KDM6A: variants seen among roughly 807,000 people sequenced by gnomAD.
KDM6A encodes lysine demethylase 6A.
Under a neutral mutation model 117.6 loss-of-function variants are expected in KDM6A, and 11 were observed. That is an observed-to-expected ratio of 0.09 (90% CI 0.06 to 0.15). The LOEUF (loss-of-function observed/expected upper bound fraction) is 0.15. Among genes scored for constraint, KDM6A ranks in the 10% least tolerant of loss-of-function variants. The pLI is 1.00. For missense variants in KDM6A, 799 were observed against 1,077.3 expected, an observed-to-expected ratio of 0.74 and a Z score of 3.62; for synonymous variants, 384 against 396.1, an observed-to-expected ratio of 0.97 and a Z score of 0.36.
chrX:45,059,199 A>T, intron 11 of KDM6A, 48 bp from the exon 12 acceptor site: 1 of 1,186,447 alleles, frequency 8.4e-7, no homozygotes. Context: ...TTATAAAACC[A>T]AGCAGTTCTT....
Position 44,873,363 on chromosome X carries a change from AGCCCCTGCCGCC to A in KDM6A, c.-185_-174del. On this transcript the variant is annotated 5_prime_UTR_variant, in exon 1 of 30. Coordinates refer to ENST00000611820, the MANE Select transcript of KDM6A (RefSeq NM_001291415.2). ...GCCGCTGCCGACCCGGGGGCTCCGC[AGCCCCTGCCGCC>A]GCCGCCGCCGCCTTCACCGCCGCCG... The A allele has an allele frequency of 1.9e-6, 1 of 538,496 alleles. No individual in the cohort carries two copies. The highest frequency in any genetic ancestry group is 3.3e-5 in the South Asian group (1 of 30,670). 44.4% of individuals were successfully genotyped at this position (538,496 alleles called of 1,213,427 possible).
At position 45,051,967 on chromosome X, in the gene KDM6A, C is replaced by A. The variant is rs1304392248; in HGVS notation, c.748+165C>A. 5.2e-4 allele frequency among the ~76,000 whole-genome samples: 58 copies of A among 111,478 alleles called. 1 individual carries two copies. On this transcript the variant is annotated intron_variant, in intron 9 of 29. Coordinates refer to ENST00000611820, the MANE Select transcript of KDM6A (RefSeq NM_001291415.2). ...TATCCTCTGCCCAGCATTGTCCTTC[C>A]CACAGTCTGTCTCAGTGTAATTCTT...
chrX:45,068,660 G>T (rs1370034818), intron 17 of KDM6A, among the ~76,000 whole-genome samples: 3 of 107,883 alleles, frequency 2.8e-5, no homozygotes, highest in Non-Finnish European at 5.8e-5. Context: ...CAAACTCCTG[G>T]GCTCAAGAGA....
intron 3 of KDM6A, among the ~76,000 whole-genome samples, chrX:44,962,152 G>T (rs182782698): frequency 1.4e-4 from 16 of 112,097 alleles, no homozygotes; most frequent in Non-Finnish European, 2.8e-4. Context: ...TGTTTAGAGG[G>T]CAAAACACCT....
chrX:45,087,198 C>A (rs1054908556), intron 25 of KDM6A, among the ~76,000 whole-genome samples: 3 of 112,180 alleles, frequency 2.7e-5, no homozygotes, highest in Non-Finnish European at 5.6e-5. Context: ...ACCATGTTGG[C>A]CAGGCTGGTC....
chrX:44,957,701 A>G (rs994237145), intron 2 of KDM6A, among the ~76,000 whole-genome samples: 1 of 111,534 alleles, frequency 9.0e-6, no homozygotes, highest in Non-Finnish European at 1.9e-5. Flanking sequence ...TGGATGTGCA[A>G]TCCACCAGCT....
chrX:45,096,173 A>G (rs955631109), intron 27 of KDM6A, among the ~76,000 whole-genome samples: 1 of 111,804 alleles, frequency 8.9e-6, no homozygotes, highest in Non-Finnish European at 1.9e-5. Flanking sequence ...TTCTTCCTTA[A>G]TTCTCCCCTG....
At chrX:45,053,156 C>T (rs146205857) in intron 9 of KDM6A, among the ~76,000 whole-genome samples, 243 of 111,500 alleles carry the variant, frequency 2.2e-3, no homozygotes, top group Non-Finnish European at 3.9e-3. Flanking sequence ...TTAATTGGCT[C>T]GGTGTGGTGG....
At chrX:45,070,431 G>A (rs1178300397) in intron 18 of KDM6A, 74 bp downstream of exon 18, 21 of 966,697 alleles carry the variant, frequency 2.2e-5, no homozygotes, top group Non-Finnish European at 2.9e-5. Flanking sequence ...AATTTGGACC[G>A]TTTAAGATAT....
chrX:44,927,738 A>C (rs1421189014), intron 2 of KDM6A, among the ~76,000 whole-genome samples: 1 of 111,743 alleles, frequency 8.9e-6, no homozygotes, highest in Non-Finnish European at 1.9e-5. Context: ...ATAACCTCTT[A>C]TTTATCATTA....
chrX:44,997,751 T>A (rs990766835), intron 4 of KDM6A, among the ~76,000 whole-genome samples: 6 of 112,143 alleles, frequency 5.4e-5, no homozygotes, highest in African/African-American at 1.3e-4. Context: ...CTCTGGGTTT[T>A]TGGGAATATG....
In KDM6A at chrX:45,079,132, A is replaced by T. The variant is rs2045273296; in HGVS notation, c.3095-14A>T. On this transcript the variant is annotated splice_polypyrimidine_tract_variant and intron_variant, in intron 20 of 29. Coordinates refer to ENST00000611820, the MANE Select transcript of KDM6A (RefSeq NM_001291415.2). Reference sequence around the variant, plus strand: ...TAATTTTCATTTTTTAACTACATTTATGTATTCATGAAGACCTGGGACTTT... The same window carrying T: ...TAATTTTCATTTTTTAACTACATTTTTGTATTCATGAAGACCTGGGACTTT... 3 of 1,146,434 alleles carry T rather than the reference A, an allele frequency of 2.6e-6. No individual in the cohort carries two copies. The highest frequency in any genetic ancestry group is 3.6e-6 in the Non-Finnish European group (3 of 836,837). The allele number at this position is 1,146,434 out of a possible 1,213,427, so 94.5% of individuals were successfully genotyped here.
chrX:45,040,378 G>T (rs1232834853), intron 8 of KDM6A, among the ~76,000 whole-genome samples: 6 of 91,848 alleles, frequency 6.5e-5, no homozygotes, highest in Non-Finnish European at 1.3e-4. Context: ...CCCGGACAGG[G>T]CGGCTGGCCA....
intron 4 of KDM6A, among the ~76,000 whole-genome samples, chrX:44,977,415 C>T (rs753837754): frequency 2.7e-5 from 3 of 110,014 alleles, no homozygotes; most frequent in South Asian, 3.9e-4. Context: ...CCACCATGCT[C>T]GGCTAATTTT....
intron 4 of KDM6A, among the ~76,000 whole-genome samples, chrX:44,980,864 T>G (rs2039873140): frequency 9.1e-6 from 1 of 109,434 alleles, no homozygotes; most frequent in African/African-American, 3.3e-5. Flanking sequence ...CTTGTTTTGT[T>G]TCTCTGGGGA....
chrX:45,086,196 G>A (rs1421325877), intron 25 of KDM6A: 2 of 349,936 alleles, frequency 5.7e-6, no homozygotes, highest in Admixed American at 9.6e-5. Flanking sequence ...TGCAGTAGTA[G>A]TACCCATGAA....
intron 18 of KDM6A, among the ~76,000 whole-genome samples, chrX:45,073,105 G>C (rs775883273): frequency 1.4e-3 from 152 of 110,160 alleles, no homozygotes; most frequent in African/African-American, 4.9e-3. Flanking sequence ...TCCTAGCTAT[G>C]AGTGAGAACA....
At chrX:44,982,174 T>C (rs2039947392) in intron 4 of KDM6A, among the ~76,000 whole-genome samples, 1 of 111,575 alleles carries the variant, frequency 9.0e-6, no homozygotes, top group African/African-American at 3.3e-5. Flanking sequence ...AATAGAACCA[T>C]TGATTAAACG....
At position 45,069,708 on chromosome X, in the gene KDM6A, C is replaced by T. The variant is rs760161398; in HGVS notation, c.2209C>T (p.Leu737=). ...GIQNQNGHPT[L]PSNSVTQGAA... Reference sequence around the variant, plus strand: ...TCAGAATCAGAACGGACATCCCACCCTGCCTAGCAATTCAGTAACACAGGG... The same window carrying T: ...TCAGAATCAGAACGGACATCCCACCTTGCCTAGCAATTCAGTAACACAGGG... Residue 737 remains leucine, a synonymous_variant, in exon 18 of 30, where the codon CTG becomes TTG. Coordinates refer to ENST00000611820, the MANE Select transcript of KDM6A (RefSeq NM_001291415.2). 1.7e-6 allele frequency: 2 copies of T among 1,210,083 alleles called. No homozygotes were observed. The highest frequency in any genetic ancestry group is 1.7e-5 in the African/African-American group (1 of 57,633).
Sources: gnomAD v4.1 joint callset for allele counts (sites outside exome capture counted in the v4.1 genomes callset) on GRCh38, gnomAD v4.1.1 for gene constraint, MANE v1.5 for transcripts, NCBI Gene and HGNC (gene_info 2026-07-23, HGNC 2026-07-21) for gene names.